Variants in NR4A1 observed in about 807,000 individuals in gnomAD.
NR4A1 encodes nuclear receptor subfamily 4immunitygroup A member 1.
A neutral mutation model predicts 47.5 loss-of-function variants in NR4A1; 24 were observed. That is an observed-to-expected ratio of 0.50 (90% CI 0.37 to 0.71). The LOEUF (loss-of-function observed/expected upper bound fraction) is 0.71. Among genes scored for constraint, NR4A1 ranks in the 30% least tolerant of loss-of-function variants. NR4A1 has a pLI of 0.00. For synonymous variants in NR4A1, 353 were observed against 345.7 expected (o/e 1.02, Z -0.24); for missense variants, 669 against 788.6 (o/e 0.85, Z 1.82).
At chr12:52,041,974 G>T in intron 2 of NR4A1, 1 of 1,290,302 alleles carries the variant, frequency 7.8e-7, no homozygotes, top group South Asian at 2.6e-5. Flanking sequence ...CCAGCAGGTG[G>T]GGTTGGGGGG....
rs1168173843 is a variant in NR4A1 at position 52,054,366 on chromosome 12, C to T, written c.38C>T (p.Pro13Leu). The T allele has an allele frequency of 2.5e-6, 4 of 1,613,300 alleles. No homozygotes were observed. The highest frequency in any genetic ancestry group is 2.2e-5 in the East Asian group (1 of 44,864). Residue 13 changes from proline to leucine, a missense_variant, in exon 2 of 7, where the codon CCG (proline) becomes CTG (leucine). Transcript: ENST00000394825. ...CAAGCCCAATATGGGACACCAGCAC[C>T]GAGTCCGGGACCCCGTGACCACCTG... ...CIQAQYGTPAPSPGPRDHLAS... is the reference protein window; with the variant it reads ...CIQAQYGTPALSPGPRDHLAS...
At position 52,058,730 on chromosome 12, in the gene NR4A1, A is replaced by G; in HGVS notation, c.1583A>G (p.Gln528Arg). 2 of 1,610,692 alleles carry G rather than the reference A, an allele frequency of 1.2e-6. No homozygotes were observed. Among genetic ancestry groups the G allele is most frequent in the Non-Finnish European group, 1.7e-6 (2 of 1,178,918 alleles). The change falls in exon 7 of 7, where the codon CAG (glutamine) becomes CGG (arginine). Residue 528 changes from glutamine (Q) to arginine (R), a missense_variant. Gln to Arg is a conservative substitution (Grantham distance 43). Transcript: ENST00000394825. ...LQEPRRVEELQNRIASCLKEH... is the reference protein window; with the variant it reads ...LQEPRRVEELRNRIASCLKEH... The stretch of plus-strand genomic sequence containing the variant: ...GAGCCGCGGCGGGTGGAGGAGCTGC[A>G]GAACCGCATCGCCAGCTGCCTGAAG...
chr12:52,043,833 A>G, intron 2 of NR4A1: 1 of 1,288,768 alleles, frequency 7.8e-7, no homozygotes, highest in Non-Finnish European at 1.0e-6. Flanking sequence ...AGAGCCCCCA[A>G]CCAATCTTGG....
chr12:52,036,337 G>A (rs1938235468), intron 1 of NR4A1, among the ~76,000 whole-genome samples: 1 of 152,134 alleles, frequency 6.6e-6, no homozygotes, highest in South Asian at 2.1e-4. Context: ...GGGCTTCCCA[G>A]GGCTTCCTGG....
rs1285302431 is a variant in NR4A1, at chr12:52,055,224, G to T, written c.876+20G>T. 3.7e-6 allele frequency: 6 copies of T among 1,608,350 alleles called. No individual in the cohort carries two copies. In the African/African-American group the frequency reaches 4.0e-5, roughly 11 times the overall value. Reference sequence around the variant, plus strand: ...TTCAAGGTACCGCGCAGCCCCAGGTGGGGCCTTTTGTTGGAAATGGAGAGA... The same window carrying T: ...TTCAAGGTACCGCGCAGCCCCAGGTTGGGCCTTTTGTTGGAAATGGAGAGA... On this transcript the variant is annotated intron_variant, in intron 2 of 6. Coordinates refer to ENST00000394825, the MANE Select transcript of NR4A1 (RefSeq NM_173157.3).
chr12:52,027,907 T>G (rs1938031382), intron 1 of NR4A1, among the ~76,000 whole-genome samples: 1 of 152,040 alleles, frequency 6.6e-6, no homozygotes, highest in Non-Finnish European at 1.5e-5. Flanking sequence ...ATGTTAAGAA[T>G]TATTATTATG....
Position 52,056,560 on chromosome 12 carries a change from A to C in NR4A1, c.1073A>C (p.Asp358Ala). The change falls in exon 4 of 7, where the codon GAT (aspartate) becomes GCT (alanine). Residue 358 changes from aspartate to alanine, a missense_variant. By Grantham distance (126) the Asp-to-Ala change is moderately radical (BLOSUM62 -2). Coordinates refer to ENST00000394825, the MANE Select transcript of NR4A1 (RefSeq NM_173157.3). ...CCTTCAAAACCCAAGCAGCCCCCAG[A>C]TGCCTCCCCTGCCAATCTCCTCACT... is the stretch of plus-strand genomic sequence containing the variant. The part of the protein sequence containing the change: ...RLPSKPKQPP[D>A]ASPANLLTSL... The C allele has an allele frequency of 6.2e-7, 1 of 1,613,536 alleles. No individual in the cohort carries two copies. Among genetic ancestry groups the C allele is most frequent in the Non-Finnish European group, 8.5e-7 (1 of 1,179,796 alleles).
chr12:52,052,710 C>T, intron 1 of NR4A1: 3 of 957,972 alleles, frequency 3.1e-6, no homozygotes, highest in Non-Finnish European at 3.7e-6. Flanking sequence ...GGGGTTGATC[C>T]GGATGTGGGA....
chr12:52,031,020 A>G (rs1938114587), intron 1 of NR4A1, among the ~76,000 whole-genome samples: 2 of 151,210 alleles, frequency 1.3e-5, no homozygotes, highest in South Asian at 4.2e-4. Flanking sequence ...AACTCCCCTC[A>G]GTTTATTTAT....
In NR4A1 at chr12:52,058,773, G is replaced by A; in HGVS notation, c.1626G>A (p.Val542=). The part of the protein sequence containing the change: ...ASCLKEHVAA[V]AGEPQPASCL... ...GCCTGAAGGAGCACGTGGCAGCTGTGGCGGGCGAGCCCCAGCCAGCCAGCT... is the reference window on the plus strand; with the variant it reads ...GCCTGAAGGAGCACGTGGCAGCTGTAGCGGGCGAGCCCCAGCCAGCCAGCT... Residue 542 remains valine, a synonymous_variant, in exon 7 of 7, where the codon GTG becomes GTA. Transcript: ENST00000394825. 1 of 1,610,212 alleles carries A rather than the reference G, an allele frequency of 6.2e-7. No individual in the cohort carries two copies. The highest frequency in any genetic ancestry group is 1.1e-5 in the South Asian group (1 of 91,008).
upstream of NR4A1, chr12:52,051,271 C>T (rs1051074362): frequency 4.6e-5 from 13 of 280,064 alleles, no homozygotes; most frequent in Non-Finnish European, 7.0e-5. Context: ...CCTCGCCCCG[C>T]CCCCTCGGGC....
Position 52,054,767 on chromosome 12 carries a change from C to T in NR4A1, c.439C>T (p.Gln147Ter). The change falls in exon 2 of 7, where the codon CAG becomes TAG. Residue 147 changes from glutamine to a stop codon, truncating the protein, a stop_gained. Transcript: ENST00000394825. LOFTEE classifies it high-confidence loss of function. The stretch of plus-strand genomic sequence containing the variant: ...CCCGTCGCCCTCCACGCCCAGCTTC[C>T]AGCCGCCCCAGCTCTCTCCCTGGGA... ...SAPSPSTPSF[Q>*]PPQLSPWDGS... The T allele has an allele frequency of 6.2e-7, 1 of 1,612,592 alleles. No individual in the cohort carries two copies. Among genetic ancestry groups the T allele is most frequent in the Non-Finnish European group, 8.5e-7 (1 of 1,179,978 alleles).
intron 1 of NR4A1, among the ~76,000 whole-genome samples, chr12:52,036,983 G>C (rs2120943622): frequency 6.6e-6 from 1 of 152,334 alleles, no homozygotes; most frequent in African/African-American, 2.4e-5. Flanking sequence ...TATGTAACCG[G>C]GTGTGCGGCG....
At chr12:52,044,907 G>A (rs960192577) in intron 2 of NR4A1, among the ~76,000 whole-genome samples, 4 of 151,760 alleles carry the variant, frequency 2.6e-5, no homozygotes, top group Admixed American at 6.6e-5. Flanking sequence ...TTCCAGCCCC[G>A]TCTGGTGGTT....
At chr12:52,037,304 C>A in intron 1 of NR4A1, 1 of 923,586 alleles carries the variant, frequency 1.1e-6, no homozygotes, top group Non-Finnish European at 1.3e-6. Flanking sequence ...GGCGGCGGAA[C>A]TGGCGGGGGT....
rs746803151 is a variant in NR4A1, at chr12:52,054,469, C to G, written c.141C>G (p.Pro47=). The G allele has an allele frequency of 1.1e-5, 17 of 1,613,782 alleles. No homozygotes were observed. The Admixed American group carries it at 2.7e-4, about 25-fold the overall frequency. The part of the protein sequence containing the change: ...LASPEAAPAA[P]TALPSFSTFM... Reference sequence around the variant, plus strand: ...GCCCCGAGGCAGCCCCCGCTGCCCCCACTGCCCTGCCCAGCTTCAGCACCT... The same window carrying G: ...GCCCCGAGGCAGCCCCCGCTGCCCCGACTGCCCTGCCCAGCTTCAGCACCT... Residue 47 remains proline (P), a synonymous_variant, in exon 2 of 7, where the codon CCC becomes CCG. Transcript: ENST00000394825.
At chr12:52,056,237 G>C (rs1939266721) in intron 3 of NR4A1, 78 bp downstream of exon 3, 3 of 1,507,632 alleles carry the variant, frequency 2.0e-6, no homozygotes, top group Non-Finnish European at 2.7e-6. Flanking sequence ...CCAGGCTTCT[G>C]CCCTGGAGGA....
chr12:52,027,361 G>A (rs896566478), intron 1 of NR4A1, among the ~76,000 whole-genome samples: 2 of 152,230 alleles, frequency 1.3e-5, no homozygotes, highest in African/African-American at 4.8e-5. Flanking sequence ...AGGCAGCCCT[G>A]CCTGGTCTGC....
At chr12:52,052,470 C>G (rs760228876) in intron 1 of NR4A1, 1 of 985,614 alleles carries the variant, frequency 1.0e-6, no homozygotes, top group African/African-American at 1.7e-5. Flanking sequence ...GCCCCCTCCC[C>G]CAGTAGTCTC....
Sources: allele counts gnomAD v4.1 joint callset (sites outside exome capture counted in the v4.1 genomes callset), GRCh38; gene constraint gnomAD v4.1.1; transcripts MANE v1.5; gene names NCBI Gene and HGNC (gene_info 2026-07-23, HGNC 2026-07-21).